The following CCNK variants were observed in gnomAD, a reference collection of about 807,000 sequenced individuals.
The protein encoded by CCNK is cyclin K, also known as cyclin-K.
CCNK carries 9 observed loss-of-function variants against 65.0 expected under a neutral mutation model. That is an observed-to-expected ratio of 0.14 (90% CI 0.08 to 0.24). The LOEUF (loss-of-function observed/expected upper bound fraction) is 0.24. CCNK is among the 10% of genes least tolerant of loss of function. The probability of loss-of-function intolerance (pLI) is 1.00; values close to 1 mark genes in which losing one functional copy is unlikely to be tolerated. For missense variants in CCNK, 474 were observed against 720.0 expected, an observed-to-expected ratio of 0.66 and a Z score of 3.91; for synonymous variants, 279 against 270.8, an observed-to-expected ratio of 1.03 and a Z score of -0.30.
Position 99,510,733 on chromosome 14 carries a change from C to A in CCNK, c.1694C>A (p.Pro565His). The A allele has an allele frequency of 1.4e-6, 2 of 1,444,418 alleles. No homozygotes were observed. The highest frequency in any genetic ancestry group is 9.1e-7 in the Non-Finnish European group (1 of 1,098,674). The allele number at this position is 1,444,418 out of a possible 1,614,324, so 89.5% of individuals were successfully genotyped here. A position where few individuals can be genotyped will look rare whatever the true frequency, so the allele number is the denominator to read the frequency against. ...CCTGTGCCCCCGCCCATTCCCCCACCCGGCATGCCTCCAGTTGGGGGGCTG... is the reference window on the plus strand; with the variant it reads ...CCTGTGCCCCCGCCCATTCCCCCACACGGCATGCCTCCAGTTGGGGGGCTG... ...QPPVPPPIPP[P>H]GMPPVGGLGR... The change falls in exon 11 of 11, where the codon CCC (proline) becomes CAC (histidine). Residue 565 changes from proline (P) to histidine (H), a missense_variant. Physicochemically the swap from Pro to His is moderately conservative, Grantham distance 77. Coordinates refer to ENST00000389879, the MANE Select transcript of CCNK (RefSeq NM_001099402.2).
intron 1 of CCNK, among the ~76,000 whole-genome samples, chr14:99,488,951 A>T: frequency 6.7e-6 from 1 of 148,428 alleles, no homozygotes. Context: ...TTCCTTCAGC[A>T]GTCCTATGTC....
rs891962729 is a variant in CCNK, at chr14:99,511,334, T to C, written c.*552T>C. 9 of 152,128 alleles carry C rather than the reference T, an allele frequency of 5.9e-5. No homozygotes were observed. The highest frequency in any genetic ancestry group is 1.2e-4 in the Non-Finnish European group (8 of 68,002). The allele number at this position is 152,128 out of a possible 1,614,324, so 9.4% of individuals were successfully genotyped here. Reference sequence around the variant, plus strand: ...GCCTCATTGGATGGCTTTTTTTTTTTCCTCCAGGGAGAAGGGGAGAAATGT... The same window carrying C: ...GCCTCATTGGATGGCTTTTTTTTTTCCCTCCAGGGAGAAGGGGAGAAATGT... On this transcript the variant is annotated 3_prime_UTR_variant, in exon 11 of 11. Transcript: ENST00000389879.
chr14:99,501,945 C>G, intron 6 of CCNK: 1 of 320,144 alleles, frequency 3.1e-6, no homozygotes. Flanking sequence ...TAACATAAGT[C>G]ATTTTCATTG....
At chr14:99,486,090 G>A (rs973866683) in intron 1 of CCNK, among the ~76,000 whole-genome samples, 3 of 152,114 alleles carry the variant, frequency 2.0e-5, no homozygotes, top group African/African-American at 7.2e-5. Flanking sequence ...ACAATTTTCA[G>A]TGTCTCTAAT....
In CCNK at chr14:99,510,975, G is replaced by T. The variant is rs1173701305; in HGVS notation, c.*193G>T. 4 of 429,796 alleles carry T rather than the reference G, an allele frequency of 9.3e-6. No homozygotes were observed. Among genetic ancestry groups the T allele is most frequent in the Non-Finnish European group, 1.6e-5 (4 of 252,398 alleles). The allele number at this position is 429,796 out of a possible 1,614,324, so 26.6% of individuals were successfully genotyped here. On this transcript the variant is annotated 3_prime_UTR_variant, in exon 11 of 11. Transcript: ENST00000389879. ...AGGACGGGGACAACCAGCTTTCAGAGTAGCCTCATCAGTGCCCTTGCAGTC... is the reference window on the plus strand; with the variant it reads ...AGGACGGGGACAACCAGCTTTCAGATTAGCCTCATCAGTGCCCTTGCAGTC...
intron 1 of CCNK, among the ~76,000 whole-genome samples, chr14:99,483,992 G>T (rs144177065): frequency 2.6e-5 from 4 of 152,250 alleles, no homozygotes; most frequent in East Asian, 1.9e-4. Flanking sequence ...ATAATAATAG[G>T]CCAGAACTGG....
chr14:99,483,515 G>T (rs1403858973), intron 1 of CCNK, among the ~76,000 whole-genome samples: 1 of 152,196 alleles, frequency 6.6e-6, no homozygotes, highest in Non-Finnish European at 1.5e-5. Context: ...GGGTGACTGC[G>T]CTCCAGCCTG....
intron 1 of CCNK, among the ~76,000 whole-genome samples, chr14:99,482,541 T>G (rs1250079231): frequency 6.6e-6 from 1 of 152,234 alleles, no homozygotes; most frequent in Admixed American, 6.5e-5. Context: ...ATATAATAAT[T>G]ATCCAAGATT....
intron 1 of CCNK, among the ~76,000 whole-genome samples, chr14:99,486,097 T>C (rs1373510461): frequency 6.6e-6 from 1 of 152,232 alleles, no homozygotes; most frequent in African/African-American, 2.4e-5. Context: ...TCAGTGTCTC[T>C]AATAAACAAC....
intron 3 of CCNK, 81 bp from the exon 4 acceptor site, chr14:99,495,417 A>T: frequency 7.4e-7 from 1 of 1,343,522 alleles, no homozygotes; most frequent in South Asian, 1.5e-5. Context: ...AGACCAGTTT[A>T]TTACGAAGGC....
chr14:99,499,661 G>A (rs929316556), intron 4 of CCNK, among the ~76,000 whole-genome samples: 4 of 152,112 alleles, frequency 2.6e-5, no homozygotes, highest in African/African-American at 4.8e-5. Flanking sequence ...AGGTACAGTC[G>A]GCTGTACAGG....
intron 9 of CCNK, 27 bp downstream of exon 9, chr14:99,503,671 A>C: frequency 6.5e-7 from 1 of 1,542,592 alleles, no homozygotes; most frequent in Non-Finnish European, 8.8e-7. Context: ...ATGTTTTTTT[A>C]GTTTTATGTG....
At chr14:99,501,223 T>C in intron 5 of CCNK, 133 bp from the exon 6 acceptor site, 1 of 669,986 alleles carries the variant, frequency 1.5e-6, no homozygotes, top group East Asian at 2.6e-5. Context: ...TCATTCATCC[T>C]TGTTTCCCAC....
At chr14:99,501,458 G>A (rs1213748975) in intron 6 of CCNK, 45 bp downstream of exon 6, 1 of 1,268,218 alleles carries the variant, frequency 7.9e-7, no homozygotes, top group Non-Finnish European at 1.1e-6. Flanking sequence ...TTTAAAATAG[G>A]CAGAGACTTT....
At chr14:99,497,764 A>G (rs941640279) in intron 4 of CCNK, among the ~76,000 whole-genome samples, 60 of 152,338 alleles carry the variant, frequency 3.9e-4, no homozygotes, top group African/African-American at 1.4e-3. Flanking sequence ...GAACACTTTT[A>G]TACATATTGT....
At chr14:99,491,195 C>G (rs969790004) in intron 1 of CCNK, among the ~76,000 whole-genome samples, 1 of 152,128 alleles carries the variant, frequency 6.6e-6, no homozygotes, top group Non-Finnish European at 1.5e-5. Flanking sequence ...ATCTTGTGCA[C>G]ATGTTGTTTC....
chr14:99,502,826 G>A lies in CCNK; in HGVS notation c.853G>A (p.Val285Met), dbSNP rs774074339. ...QPPSLQPTPQ[V>M]PQVQQSQPSQ... is the part of the protein sequence containing the mutation. ...CCCATCTCTTCAGCCTACACCACAA[G>A]TGCCGCAAGTACAGCAGTCACAGCC... The change falls in exon 8 of 11, where the codon GTG becomes ATG. Residue 285 changes from valine to methionine, a missense_variant. Transcript: ENST00000389879. 23 of 1,613,216 alleles carry A rather than the reference G, an allele frequency of 1.4e-5. No homozygotes were observed. In the South Asian group the frequency reaches 2.3e-4, roughly 16 times the overall value.
intron 10 of CCNK, chr14:99,509,719 CATTT>C (rs1185274868): frequency 3.1e-5 from 6 of 190,956 alleles, no homozygotes; most frequent in Non-Finnish European, 6.5e-5. Flanking sequence ...CCATCACATT[CATTT>C]GACTAACTCT....
intron 4 of CCNK, among the ~76,000 whole-genome samples, chr14:99,496,263 T>C (rs1566749030): frequency 6.6e-6 from 1 of 152,198 alleles, no homozygotes; most frequent in African/African-American, 2.4e-5. Flanking sequence ...TGTTGCAACC[T>C]CAGTAACACC....
Sources: allele counts gnomAD v4.1 joint callset (sites outside exome capture counted in the v4.1 genomes callset), GRCh38; gene constraint gnomAD v4.1.1; transcripts MANE v1.5; gene names NCBI Gene and HGNC (gene_info 2026-07-23, HGNC 2026-07-21).